The following ADARB2 variants were observed in gnomAD, a reference collection of about 807,000 sequenced individuals.
The protein encoded by ADARB2 is adenosine deaminase RNA specific B2 (inactive).
In ADARB2, 25 loss-of-function variants were observed where a neutral mutation model predicts 62.2. The observed-to-expected ratio is 0.40, with a 90% CI of 0.29 to 0.56. The LOEUF is 0.56. Among genes scored for constraint, ADARB2 ranks in the 20% least tolerant of loss-of-function variants. The pLI is 0.43. For synonymous variants in ADARB2, 572 were observed against 500.8 expected (o/e 1.14, Z -1.90); for missense variants, 1,071 against 1,077.4 (o/e 0.99, Z 0.08).
chr10:1,196,041 C>G (rs1341466770), intron 8 of ADARB2, among the ~76,000 whole-genome samples: 1 of 152,120 alleles, frequency 6.6e-6, no homozygotes, highest in African/African-American at 2.4e-5. Flanking sequence ...CCGCTTACCT[C>G]ACACTCTCAG....
chr10:1,664,324 GTATGCA>G (rs1834287299), intron 1 of ADARB2, among the ~76,000 whole-genome samples: 1 of 152,140 alleles, frequency 6.6e-6, no homozygotes, highest in Non-Finnish European at 1.5e-5. Context: ...CAGTATCAAG[GTATGCA>G]CTTGCTGAAT....
intron 1 of ADARB2, among the ~76,000 whole-genome samples, chr10:1,662,369 T>C (rs1307885161): frequency 8.5e-5 from 13 of 152,118 alleles, no homozygotes; most frequent in East Asian, 7.7e-4. Flanking sequence ...AGCGCCCTGA[T>C]TGAACCGGGG....
intron 1 of ADARB2, among the ~76,000 whole-genome samples, chr10:1,633,541 CT>C (rs1283186454): frequency 8.6e-6 from 1 of 116,136 alleles, no homozygotes; most frequent in African/African-American, 2.8e-5. Context: ...GTCTGTCTGT[CT>C]ATCTATCATC....
chr10:1,453,103 C>T (rs1831059205), intron 1 of ADARB2, among the ~76,000 whole-genome samples: 1 of 152,192 alleles, frequency 6.6e-6, no homozygotes, highest in South Asian at 2.1e-4. Context: ...TTTAATTCCA[C>T]ATCCTCTCTT....
chr10:1,301,523 T>C (rs1442388774), intron 3 of ADARB2, among the ~76,000 whole-genome samples: 1 of 151,360 alleles, frequency 6.6e-6, no homozygotes, highest in Non-Finnish European at 1.5e-5. Context: ...AAATCAACCT[T>C]AAACAGAAAA....
rs11250410 is a variant in ADARB2, at chr10:1,320,872, G to T, written c.1077+42156C>A. Reference sequence around the variant, plus strand: ...AGCACTGTAATAAAACATTTTGGAGGTGGGGCATTGTGGATGTGCAGTGCC... The same window carrying T: ...AGCACTGTAATAAAACATTTTGGAGTTGGGGCATTGTGGATGTGCAGTGCC... On this transcript the variant is annotated intron_variant, in intron 3 of 9. Coordinates refer to ENST00000381312, the MANE Select transcript of ADARB2 (RefSeq NM_018702.4). Among the ~76,000 whole-genome samples, 1,424 of 152,300 alleles carry T rather than the reference G, an allele frequency of 9.3e-3. 16 individuals are homozygous for T. The highest frequency in any genetic ancestry group is 0.032 in the African/African-American group (1,335 of 41,556).
rs189838306 is a variant in ADARB2, at chr10:1,704,451, T to C, written c.100+32600A>G. On this transcript the variant is annotated intron_variant, in intron 1 of 9. Transcript: ENST00000381312. This position sits in a 1 kb window ranked among gnomAD's most constrained non-coding sequence, Gnocchi z 5.6. Reference sequence around the variant, plus strand: ...GATCCCTTACAAGCACAGTTAGCAATAGGATCCCCACTCCTATAGGAATCT... The same window carrying C: ...GATCCCTTACAAGCACAGTTAGCAACAGGATCCCCACTCCTATAGGAATCT... Among the ~76,000 whole-genome samples the C allele has an allele frequency of 1.3e-5, 2 of 152,240 alleles. No homozygotes were observed. Among genetic ancestry groups the C allele is most frequent in the East Asian group, 3.9e-4 (2 of 5,182 alleles).
chr10:1,601,298 G>C (rs568524505), intron 1 of ADARB2, among the ~76,000 whole-genome samples: 2 of 152,188 alleles, frequency 1.3e-5, no homozygotes, highest in Non-Finnish European at 1.5e-5. Context: ...AGGCCAGGTG[G>C]GCCCCCACTG....
chr10:1,338,706 A>AC (rs1328477757), intron 3 of ADARB2, among the ~76,000 whole-genome samples: 1 of 152,210 alleles, frequency 6.6e-6, no homozygotes, highest in East Asian at 1.9e-4. Context: ...GCCTTAGGTC[A>AC]CCCCCCGACA....
chr10:1,200,499 T>C (rs993368726), intron 7 of ADARB2: 1 of 458,808 alleles, frequency 2.2e-6, no homozygotes, highest in Non-Finnish European at 3.8e-6. Flanking sequence ...TTATATTAGC[T>C]GGGAAATACT....
intron 1 of ADARB2, among the ~76,000 whole-genome samples, chr10:1,614,453 T>A (rs559715584): frequency 6.6e-6 from 1 of 152,344 alleles, no homozygotes; most frequent in East Asian, 1.9e-4. Flanking sequence ...TTTCTGAAAG[T>A]TCACCAAACA....
intron 5 of ADARB2, chr10:1,240,418 GC>G (rs1830905259): frequency 6.6e-6 from 1 of 152,228 alleles, no homozygotes; most frequent in Non-Finnish European, 1.5e-5. Context: ...CACACGTTCT[GC>G]CCCATGGGTG....
At chr10:1,359,275 C>G (rs1477166458) in intron 3 of ADARB2, among the ~76,000 whole-genome samples, 1 of 152,154 alleles carries the variant, frequency 6.6e-6, no homozygotes, top group African/African-American at 2.4e-5. Flanking sequence ...GACTGGCCTG[C>G]AAACCCTCTG....
chr10:1,580,436 T>A (rs1833080567), intron 1 of ADARB2, among the ~76,000 whole-genome samples: 1 of 152,188 alleles, frequency 6.6e-6, no homozygotes, highest in Non-Finnish European at 1.5e-5. Flanking sequence ...GTATATATGT[T>A]GGTCTGGCAT....
chr10:1,720,886 C>G (rs140169832), intron 1 of ADARB2, among the ~76,000 whole-genome samples: 1 of 152,180 alleles, frequency 6.6e-6, no homozygotes, highest in South Asian at 2.1e-4. Context: ...GCCACTGGCT[C>G]GCTGCAGTGC....
chr10:1,639,549 T>C (rs185545343), intron 1 of ADARB2, among the ~76,000 whole-genome samples: 1 of 152,174 alleles, frequency 6.6e-6, no homozygotes, highest in South Asian at 2.1e-4. Context: ...CCCGTTCTTA[T>C]AAAACACAAA....
rs539073307 is a variant in ADARB2, at chr10:1,481,798, A to G, written c.101-102638T>C. ...CTTGAACCCAGGAGGTGAAGTTTGC[A>G]GTGAGCTGAGATTGTGCCACTGCAC... is the stretch of plus-strand genomic sequence containing the variant. On this transcript the variant is annotated intron_variant, in intron 1 of 9. Coordinates refer to ENST00000381312, the MANE Select transcript of ADARB2 (RefSeq NM_018702.4). Among the ~76,000 whole-genome samples, 15 of 150,580 alleles carry G rather than the reference A, an allele frequency of 1.0e-4. No homozygotes were observed. In the South Asian group the frequency reaches 1.9e-3, roughly 19 times the overall value.
rs577437791 is a variant in ADARB2, at chr10:1,247,875, T to C, written c.1193-5576A>G. ...TAAACCAGTGGTATTTGGGGCTGTGTCAACCCTGCACAGAGGTGTCTAACA... is the reference window on the plus strand; with the variant it reads ...TAAACCAGTGGTATTTGGGGCTGTGCCAACCCTGCACAGAGGTGTCTAACA... On this transcript the variant is annotated intron_variant, in intron 4 of 9. Coordinates refer to ENST00000381312, the MANE Select transcript of ADARB2 (RefSeq NM_018702.4). Among the ~76,000 whole-genome samples, 5 of 152,172 alleles carry C rather than the reference T, an allele frequency of 3.3e-5. No homozygotes were observed. The South Asian group carries it at 8.3e-4, about 25-fold the overall frequency.
chr10:1,313,005 C>G (rs1831706243), intron 3 of ADARB2, among the ~76,000 whole-genome samples: 1 of 151,744 alleles, frequency 6.6e-6, no homozygotes, highest in Non-Finnish European at 1.5e-5. Context: ...ACCATTTCAC[C>G]TGACCAGAGG....
Sources: gnomAD v4.1 joint callset for allele counts (sites outside exome capture counted in the v4.1 genomes callset) on GRCh38, gnomAD v4.1.1 for gene constraint, Gnocchi (gnomAD v3.1) non-coding constraint, MANE v1.5 for transcripts, NCBI Gene and HGNC (gene_info 2026-07-23, HGNC 2026-07-21) for gene names.